MAP4K3: variants seen among roughly 807,000 people sequenced by gnomAD.
The protein encoded by MAP4K3 is MAPK/ERK kinase kinase kinase 3.
Under a neutral mutation model 143.5 loss-of-function variants are expected in MAP4K3, and 94 were observed. The observed-to-expected ratio is 0.65, with a 90% CI of 0.55 to 0.78. MAP4K3 has a LOEUF of 0.78. MAP4K3 is among the 30% of genes least tolerant of loss of function. The pLI, the probability that MAP4K3 is intolerant of heterozygous loss-of-function variation, is 0.00. For missense variants in MAP4K3, 1,077 were observed against 1,068.1 expected, an observed-to-expected ratio of 1.01 and a Z score of -0.12; for synonymous variants, 416 against 347.2, an observed-to-expected ratio of 1.20 and a Z score of -2.20.
intron 1 of MAP4K3, among the ~76,000 whole-genome samples, chr2:39,417,804 C>A (rs1362082070): frequency 2.0e-5 from 3 of 152,126 alleles, no homozygotes; most frequent in African/African-American, 4.8e-5. Flanking sequence ...CATTCTCTAA[C>A]AGAAGGAACC....
At chr2:39,367,856 G>A (rs1481090816) in intron 2 of MAP4K3, among the ~76,000 whole-genome samples, 1 of 152,154 alleles carries the variant, frequency 6.6e-6, no homozygotes, top group Non-Finnish European at 1.5e-5. Flanking sequence ...ACATATATCT[G>A]TGCTTTGTAC....
At chr2:39,378,623 A>G (rs1666282425) in intron 1 of MAP4K3, among the ~76,000 whole-genome samples, 1 of 152,124 alleles carries the variant, frequency 6.6e-6, no homozygotes, top group Non-Finnish European at 1.5e-5. Context: ...AACTAGCCTT[A>G]TATTTTTTCA....
At chr2:39,344,687 GA>G (rs1170083623) in intron 3 of MAP4K3, among the ~76,000 whole-genome samples, 2 of 152,154 alleles carry the variant, frequency 1.3e-5, no homozygotes, top group African/African-American at 4.8e-5. Flanking sequence ...AGTACTGTGG[GA>G]ACCCAGAGAT....
Position 39,249,934 on chromosome 2 carries a change from AC to A in MAP4K3, c.*683del, listed in dbSNP as rs1680084208. On this transcript the variant is annotated 3_prime_UTR_variant, in exon 34 of 34. Coordinates refer to ENST00000263881, the MANE Select transcript of MAP4K3 (RefSeq NM_003618.4). ...TGGTTAATTATAATTGGTTTGCTTC[AC>A]ATAGAAAACAATCCAAATACATTTG... 1 of 152,300 alleles carries A rather than the reference AC, an allele frequency of 6.6e-6. No individual in the cohort carries two copies. Among genetic ancestry groups the A allele is most frequent in the South Asian group, 2.1e-4 (1 of 4,832 alleles). 9.4% of individuals were successfully genotyped at this position (152,300 alleles called of 1,614,324 possible).
chr2:39,279,368 T>C (rs1470310677), intron 23 of MAP4K3, among the ~76,000 whole-genome samples: 4 of 152,204 alleles, frequency 2.6e-5, no homozygotes, highest in East Asian at 1.9e-4. Flanking sequence ...CTATAAACAA[T>C]GAACCTCTCT....
chr2:39,391,072 T>A (rs1012737639), intron 1 of MAP4K3, among the ~76,000 whole-genome samples: 1 of 152,082 alleles, frequency 6.6e-6, no homozygotes. Context: ...ATACATACTA[T>A]AGGCCGGGCG....
chr2:39,252,219 A>G (rs1680178356), intron 32 of MAP4K3, among the ~76,000 whole-genome samples: 1 of 152,270 alleles, frequency 6.6e-6, no homozygotes, highest in African/African-American at 2.4e-5. Flanking sequence ...TGGCAAGGTT[A>G]CTGGCAGCAG....
intron 4 of MAP4K3, among the ~76,000 whole-genome samples, chr2:39,337,789 G>A (rs572052886): frequency 2.3e-5 from 3 of 128,428 alleles, no homozygotes; most frequent in East Asian, 4.6e-4. Context: ...TTGAGACAGG[G>A]TCTCATTATG....
At chr2:39,345,870 A>C (rs958390778) in intron 3 of MAP4K3, among the ~76,000 whole-genome samples, 12 of 144,676 alleles carry the variant, frequency 8.3e-5, no homozygotes, top group African/African-American at 2.6e-4. Flanking sequence ...TGCAGTGAGC[A>C]GAGATCGTTC....
chr2:39,388,343 G>C (rs1053856172), intron 1 of MAP4K3, among the ~76,000 whole-genome samples: 10 of 152,138 alleles, frequency 6.6e-5, no homozygotes, highest in Admixed American at 5.9e-4. Context: ...TAGCAGACAA[G>C]ATACAACAAA....
chr2:39,254,447 T>C lies in MAP4K3; in HGVS notation c.2541+3A>G, dbSNP rs758005856. On this transcript the variant is annotated splice_donor_region_variant and intron_variant, in intron 32 of 33. Transcript: ENST00000263881. ...GACTACTTAATGGACATAATTTACT[T>C]ACCTCATTAGATCTAAAACTTCTAC... The C allele has an allele frequency of 6.2e-7, 1 of 1,612,242 alleles. No homozygotes were observed. The highest frequency in any genetic ancestry group is 8.5e-7 in the Non-Finnish European group (1 of 1,178,420).
intron 3 of MAP4K3, among the ~76,000 whole-genome samples, chr2:39,355,169 C>T (rs1665574914): frequency 6.6e-6 from 1 of 151,942 alleles, no homozygotes; most frequent in Non-Finnish European, 1.5e-5. Context: ...TCAAGACCAT[C>T]GTGGCCAACA....
intron 12 of MAP4K3, among the ~76,000 whole-genome samples, chr2:39,319,746 G>A (rs73923847): frequency 0.066 from 10,022 of 152,122 alleles, 667 homozygotes; most frequent in African/African-American, 0.17. Flanking sequence ...TAAGAACCTA[G>A]ACAAATGAAA....
At chr2:39,403,700 G>A (rs535716595) in intron 1 of MAP4K3, among the ~76,000 whole-genome samples, 4 of 152,100 alleles carry the variant, frequency 2.6e-5, no homozygotes, top group Admixed American at 6.5e-5. Context: ...GTAGGGCTGA[G>A]TGGGGCTTGG....
intron 2 of MAP4K3, among the ~76,000 whole-genome samples, chr2:39,373,049 G>A (rs1666124082): frequency 6.6e-6 from 1 of 152,062 alleles, no homozygotes; most frequent in Admixed American, 6.5e-5. Context: ...TCTGACAAGG[G>A]ATTAACAACC....
intron 16 of MAP4K3, among the ~76,000 whole-genome samples, chr2:39,295,821 C>G (rs897338449): frequency 6.7e-5 from 10 of 149,050 alleles, no homozygotes; most frequent in African/African-American, 2.5e-4. Flanking sequence ...CAGGTTCAAG[C>G]AATTCTCGTG....
chr2:39,339,869 T>C (rs895716871), intron 4 of MAP4K3, among the ~76,000 whole-genome samples: 1 of 152,004 alleles, frequency 6.6e-6, no homozygotes, highest in Admixed American at 6.6e-5. Flanking sequence ...AAATGCCACA[T>C]AGAATTCCCA....
Position 39,250,524 on chromosome 2 carries a change from G to A in MAP4K3, c.*94C>T. 1 of 1,183,948 alleles carries A rather than the reference G, an allele frequency of 8.4e-7. No homozygotes were observed. Among genetic ancestry groups the A allele is most frequent in the Non-Finnish European group, 1.2e-6 (1 of 828,830 alleles). The allele number at this position is 1,183,948 out of a possible 1,614,324, so 73.3% of individuals were successfully genotyped here. On this transcript the variant is annotated 3_prime_UTR_variant, in exon 34 of 34. Transcript: ENST00000263881. ...TAAATTACAAAGTAACTGAAGACAG[G>A]TTACTGCAGCTTTTGTACAGCTTCA...
chr2:39,280,277 G>T lies in MAP4K3; in HGVS notation c.1709C>A (p.Thr570Lys). 6.4e-7 allele frequency: 1 copy of T among 1,565,954 alleles called. No homozygotes were observed. Among genetic ancestry groups the T allele is most frequent in the Admixed American group, 1.7e-5 (1 of 58,266 alleles). ...ATAAAAACACACAATACTACCTCTT[G>T]TATCTGGGTTTATCCATGATGATGC... ...HCASSWINPD[T>K]RDQYLIFGAE... is the part of the protein sequence containing the mutation. The change falls in exon 23 of 34, where the codon ACA (threonine) becomes AAA (lysine). Residue 570 changes from threonine (T) to lysine (K), a missense_variant. By Grantham distance (78) the Thr-to-Lys change is moderately conservative. Transcript: ENST00000263881.
Sources: allele counts gnomAD v4.1 joint callset (sites outside exome capture counted in the v4.1 genomes callset), GRCh38; gene constraint gnomAD v4.1.1; transcripts MANE v1.5; gene names NCBI Gene and HGNC (gene_info 2026-07-23, HGNC 2026-07-21).